The following MAL variants were observed in gnomAD, a reference collection of about 807,000 sequenced individuals.
MAL encodes myelin and lymphocyte protein.
In MAL, 5 loss-of-function variants were observed where a neutral mutation model predicts 16.7. The ratio of observed to expected loss-of-function variants is 0.30; its 90% CI spans 0.16 to 0.63. The LOEUF is 0.63. MAL is among the 30% of genes least tolerant of loss of function. The probability of loss-of-function intolerance (pLI) is 0.82; values close to 1 mark genes in which losing one functional copy is unlikely to be tolerated. For synonymous variants in MAL, 96 were observed against 85.5 expected (o/e 1.12, Z -0.67); for missense variants, 202 against 195.8 (o/e 1.03, Z -0.19).
chr2:95,043,977 G>A lies in MAL; in HGVS notation c.94-3982G>A, dbSNP rs570059991. Among the ~76,000 whole-genome samples, 62 of 152,292 alleles carry A rather than the reference G, an allele frequency of 4.1e-4. No homozygotes were observed. The South Asian group carries it at 8.7e-3, about 21-fold the overall frequency. On this transcript the variant is annotated intron_variant, in intron 1 of 3. Coordinates refer to ENST00000309988, the MANE Select transcript of MAL (RefSeq NM_002371.4). ...CTGGTGTAAGAGCGTCCCTAGGAAC[G>A]TGGTTCCTCAGAGGCTTCTGGGTTG...
chr2:95,049,837 C>A, intron 3 of MAL, 131 bp downstream of exon 3: 1 of 1,334,338 alleles, frequency 7.5e-7, no homozygotes, highest in Non-Finnish European at 1.0e-6. Flanking sequence ...ACCTTGCCTT[C>A]ATGCCTGGAG....
intron 1 of MAL, among the ~76,000 whole-genome samples, chr2:95,036,403 A>T (rs1558657522): frequency 6.6e-6 from 1 of 152,180 alleles, no homozygotes; most frequent in Non-Finnish European, 1.5e-5. Context: ...CATTGCTCAG[A>T]CACTGACACT....
chr2:95,036,985 CTGAG>C (rs1266704658), intron 1 of MAL, among the ~76,000 whole-genome samples: 4 of 128,708 alleles, frequency 3.1e-5, no homozygotes, highest in African/African-American at 1.2e-4. Context: ...GAGTGAGTGA[CTGAG>C]TGAGTGAATG....
intron 1 of MAL, among the ~76,000 whole-genome samples, chr2:95,038,849 CG>C (rs1558658956): frequency 7.9e-6 from 1 of 126,702 alleles, no homozygotes; most frequent in African/African-American, 3.0e-5. Context: ...AGTGAATGAC[CG>C]AGTGACTGAG....
chr2:95,050,281 A>G (rs1245948125), intron 3 of MAL, among the ~76,000 whole-genome samples: 2 of 152,216 alleles, frequency 1.3e-5, no homozygotes, highest in Non-Finnish European at 2.9e-5. Flanking sequence ...TTCTTAATGG[A>G]CTGGATCAGA....
chr2:95,038,672 GTGAC>G (rs202128281), intron 1 of MAL, among the ~76,000 whole-genome samples: 3 of 151,646 alleles, frequency 2.0e-5, no homozygotes, highest in Non-Finnish European at 2.9e-5. Flanking sequence ...GACTGAGTGA[GTGAC>G]TGACTGAGTG....
chr2:95,052,534 G>T (rs766669061), intron 3 of MAL, among the ~76,000 whole-genome samples: 16 of 152,252 alleles, frequency 1.1e-4, no homozygotes, highest in Non-Finnish European at 7.3e-5. Context: ...GGATTGATGA[G>T]CATTTTCAGG....
chr2:95,052,724 GGC>G (rs1397367974), intron 3 of MAL, among the ~76,000 whole-genome samples: 1 of 152,160 alleles, frequency 6.6e-6, no homozygotes, highest in African/African-American at 2.4e-5. Context: ...CAGAAAGCAG[GGC>G]CATCGCTCCA....
At chr2:95,040,867 G>T (rs983955258) in intron 1 of MAL, among the ~76,000 whole-genome samples, 1 of 152,128 alleles carries the variant, frequency 6.6e-6, no homozygotes, top group Admixed American at 6.5e-5. Context: ...TACACCTCAA[G>T]AATTCAAGGC....
intron 3 of MAL, among the ~76,000 whole-genome samples, chr2:95,052,108 G>C (rs1486156422): frequency 1.3e-5 from 2 of 152,232 alleles, no homozygotes; most frequent in Non-Finnish European, 2.9e-5. Flanking sequence ...CCCCAGGGAT[G>C]GGTGGAAGTC....
intron 1 of MAL, among the ~76,000 whole-genome samples, chr2:95,031,328 C>A (rs1320717963): frequency 1.3e-5 from 2 of 152,288 alleles, no homozygotes; most frequent in East Asian, 3.9e-4. Context: ...TCTCCCCCAA[C>A]AGGAATGAAG....
rs1213311240 is a variant in MAL at position 95,049,515 on chromosome 2, C to A, written c.262-66C>A. ...AGGCAAGGGGCGGGGGTGGAGGGGACCTCAGCTCTGCATCTGGGCCCCGTC... is the reference window on the plus strand; with the variant it reads ...AGGCAAGGGGCGGGGGTGGAGGGGAACTCAGCTCTGCATCTGGGCCCCGTC... On this transcript the variant is annotated intron_variant, in intron 2 of 3. Transcript: ENST00000309988. 6 of 1,595,472 alleles carry A rather than the reference C, an allele frequency of 3.8e-6. No individual in the cohort carries two copies. In the East Asian group the frequency reaches 6.7e-5, roughly 18 times the overall value.
intron 1 of MAL, among the ~76,000 whole-genome samples, chr2:95,039,264 CTGAG>C (rs1674372155): frequency 1.6e-5 from 1 of 61,232 alleles, no homozygotes; most frequent in South Asian, 5.3e-4. Flanking sequence ...GTCTGAGTGA[CTGAG>C]TGGGTGAGTG....
At chr2:95,052,496 G>A (rs1674741502) in intron 3 of MAL, among the ~76,000 whole-genome samples, 1 of 152,146 alleles carries the variant, frequency 6.6e-6, no homozygotes, top group Admixed American at 6.5e-5. Context: ...CAGGTGTAGG[G>A]GCAGGAGAGC....
Position 95,025,879 on chromosome 2 carries a change from T to C in MAL, c.87T>C (p.Phe29=), listed in dbSNP as rs1360862478. The C allele has an allele frequency of 1.3e-6, 2 of 1,561,864 alleles. No individual in the cohort carries two copies. Among genetic ancestry groups the C allele is most frequent in the Admixed American group, 3.8e-5 (2 of 53,256 alleles). ...CCTTGCCCGACTTGCTCTTCATCTT[T>C]GAGTTTGTGAGTGGCTCCTGGCCGG... is the stretch of plus-strand genomic sequence containing the variant. The part of the protein sequence containing the change: ...FTTLPDLLFI[F]EFIFGGLVWI... The change falls in exon 1 of 4, where the codon TTT becomes TTC. Residue 29 remains phenylalanine (F), a synonymous_variant. Coordinates refer to ENST00000309988, the MANE Select transcript of MAL (RefSeq NM_002371.4). The surrounding 1 kb of genome is among the most constrained non-coding windows in gnomAD (Gnocchi z 5.6).
At chr2:95,043,342 T>C (rs1674514383) in intron 1 of MAL, among the ~76,000 whole-genome samples, 1 of 152,224 alleles carries the variant, frequency 6.6e-6, no homozygotes, top group Non-Finnish European at 1.5e-5. Context: ...TCCCAGGTAT[T>C]GGTAGTGCTG....
chr2:95,049,503 G>A, intron 2 of MAL, 78 bp from the exon 3 acceptor site: 1 of 1,567,714 alleles, frequency 6.4e-7, no homozygotes, highest in African/African-American at 1.4e-5. Flanking sequence ...CAAGGGGCGG[G>A]GGTGGAGGGG....
intron 1 of MAL, among the ~76,000 whole-genome samples, chr2:95,038,849 C>T (rs1281382467): frequency 7.1e-5 from 9 of 126,764 alleles, no homozygotes; most frequent in South Asian, 2.8e-4. Context: ...AGTGAATGAC[C>T]GAGTGACTGA....
chr2:95,049,178 A>C (rs563148408), intron 2 of MAL, among the ~76,000 whole-genome samples: 1 of 152,226 alleles, frequency 6.6e-6, no homozygotes, highest in Non-Finnish European at 1.5e-5. Flanking sequence ...ACAAAACAAA[A>C]CAAAACAAAA....
Sources: allele counts gnomAD v4.1 joint callset (sites outside exome capture counted in the v4.1 genomes callset), GRCh38; gene constraint gnomAD v4.1.1; non-coding constraint Gnocchi (gnomAD v3.1); transcripts MANE v1.5; gene names NCBI Gene and HGNC (gene_info 2026-07-23, HGNC 2026-07-21).